MAF: variants seen among roughly 807,000 people sequenced by gnomAD.
MAF encodes the protein transcription factor Maf.
In MAF, 10 loss-of-function variants were observed where a neutral mutation model predicts 22.0. The ratio of observed to expected loss-of-function variants is 0.45; its 90% CI spans 0.28 to 0.77. The LOEUF (loss-of-function observed/expected upper bound fraction) is 0.77, where lower values mean the gene tolerates loss of function less well. MAF is among the 30% of genes least tolerant of loss of function. The pLI is 0.12. For synonymous variants in MAF, 337 were observed against 255.8 expected (o/e 1.32, Z -3.03); for missense variants, 544 against 548.4 (o/e 0.99, Z 0.08).
At chr16:79,287,333 C>G in the MAF span, among the ~76,000 whole-genome samples, 1 of 152,210 alleles carries the variant, frequency 6.6e-6, no homozygotes. Flanking sequence ...GAAGCACTCC[C>G]GGGCCCTCGG....
chr16:79,208,614 ATTAAAGTGCTCTTTAAATTTTTTTT>A, the MAF span, among the ~76,000 whole-genome samples: 1 of 142,946 alleles, frequency 7.0e-6, no homozygotes, highest in East Asian at 2.0e-4. Context: ...TCTGATGGTG[ATTAAAGTGCTCTTTAAATTTTTTTT>A]TTAATCAGTT....
At chr16:79,334,232 G>A in the MAF span, among the ~76,000 whole-genome samples, 1 of 152,222 alleles carries the variant, frequency 6.6e-6, no homozygotes, top group African/African-American at 2.4e-5. Context: ...AACACATTGG[G>A]CTGCAGTCGT....
At chr16:79,250,710 C>G in the MAF span, among the ~76,000 whole-genome samples, 12 of 152,124 alleles carry the variant, frequency 7.9e-5, no homozygotes, top group African/African-American at 2.7e-4. Context: ...ATCCAGCAGG[C>G]CTGCCAATTG....
chr16:79,371,381 G>A, the MAF span, among the ~76,000 whole-genome samples: 17 of 152,280 alleles, frequency 1.1e-4, no homozygotes, highest in East Asian at 3.1e-3. Flanking sequence ...TTCAAGAGCA[G>A]GGGACACAGA....
downstream of MAF, among the ~76,000 whole-genome samples, chr16:79,589,747 C>T (rs977765918): frequency 2.0e-5 from 3 of 152,178 alleles, no homozygotes; most frequent in Non-Finnish European, 4.4e-5. Context: ...TAGGGCAGTC[C>T]TTTTGACTTT....
chr16:79,310,758 A>G, the MAF span, among the ~76,000 whole-genome samples: 1 of 152,202 alleles, frequency 6.6e-6, no homozygotes, highest in African/African-American at 2.4e-5. Flanking sequence ...TCTTTGGGAA[A>G]TTGTAGCTTC....
chr16:79,233,670 T>C, the MAF span, among the ~76,000 whole-genome samples: 2 of 151,908 alleles, frequency 1.3e-5, no homozygotes, highest in African/African-American at 4.8e-5. Flanking sequence ...ATATTGACAT[T>C]TGAAAAATGG....
chr16:79,481,807 C>A, the MAF span, among the ~76,000 whole-genome samples: 1 of 152,220 alleles, frequency 6.6e-6, no homozygotes. Flanking sequence ...AGCCCTGGCA[C>A]TAGAATGGAG....
chr16:79,272,631 C>T, the MAF span, among the ~76,000 whole-genome samples: 5 of 152,236 alleles, frequency 3.3e-5, no homozygotes, highest in African/African-American at 1.2e-4. Context: ...AGAGTTATGA[C>T]CTTCAGAGAA....
At chr16:79,357,283 A>G in the MAF span, among the ~76,000 whole-genome samples, 1 of 147,940 alleles carries the variant, frequency 6.8e-6, no homozygotes, top group African/African-American at 2.6e-5. Context: ...CAACAACAAC[A>G]ACAACAACAA....
the MAF span, among the ~76,000 whole-genome samples, chr16:79,322,320 G>T: frequency 6.6e-6 from 1 of 152,152 alleles, no homozygotes; most frequent in African/African-American, 2.4e-5. Context: ...CACTCAGGGG[G>T]TCACCAACTG....
the MAF span, among the ~76,000 whole-genome samples, chr16:79,222,704 A>C: frequency 1.3e-5 from 2 of 152,170 alleles, no homozygotes; most frequent in South Asian, 2.1e-4. Flanking sequence ...AGTGGGAAGA[A>C]AAAAAAGCAG....
chr16:79,531,754 C>T, the MAF span, among the ~76,000 whole-genome samples: 4 of 152,128 alleles, frequency 2.6e-5, no homozygotes, highest in East Asian at 7.7e-4. Flanking sequence ...GACGAAGCTT[C>T]ACCCACGCAC....
the MAF span, chr16:79,212,388 G>A: frequency 6.4e-6 from 3 of 471,112 alleles, no homozygotes; most frequent in Non-Finnish European, 1.1e-5. Context: ...ACTACCAGGT[G>A]GCAAAGTACT....
chr16:79,540,268 C>G, the MAF span, among the ~76,000 whole-genome samples: 1 of 151,736 alleles, frequency 6.6e-6, no homozygotes, highest in African/African-American at 2.4e-5. Flanking sequence ...CTTGTAATCC[C>G]CAGGGAGGCC....
chr16:79,304,268 C>T, the MAF span, among the ~76,000 whole-genome samples: 40 of 152,298 alleles, frequency 2.6e-4, 1 homozygote. Flanking sequence ...CGCTCCCTCC[C>T]CCTTTCCAGG....
chr16:79,456,249 G>A, the MAF span, among the ~76,000 whole-genome samples: 2 of 152,098 alleles, frequency 1.3e-5, no homozygotes, highest in African/African-American at 2.4e-5. Flanking sequence ...CTTCCCCACA[G>A]GATTTATGGG....
At chr16:79,284,025 T>C in the MAF span, among the ~76,000 whole-genome samples, 159 of 149,990 alleles carry the variant, frequency 1.1e-3, no homozygotes, top group African/African-American at 3.8e-3. Flanking sequence ...AGAACAAGGG[T>C]CCTTTTAGCA....
At chr16:79,391,736 G>A in the MAF span, among the ~76,000 whole-genome samples, 6 of 152,180 alleles carry the variant, frequency 3.9e-5, no homozygotes, top group Admixed American at 6.5e-5. Flanking sequence ...ATGCGGCTGC[G>A]TCAGGCTTTC....
Sources: allele counts gnomAD v4.1 joint callset (sites outside exome capture counted in the v4.1 genomes callset), GRCh38; gene constraint gnomAD v4.1.1; transcripts MANE v1.5; gene names NCBI Gene and HGNC (gene_info 2026-07-23, HGNC 2026-07-21).